The following KRT86 variants were observed in gnomAD, a reference collection of about 807,000 sequenced individuals.
KRT86 encodes the protein keratin 86.
In KRT86, 30 loss-of-function variants were observed where a neutral mutation model predicts 41.2. The ratio of observed to expected loss-of-function variants is 0.73; its 90% CI spans 0.54 to 0.99. The LOEUF (loss-of-function observed/expected upper bound fraction) is 0.99. Ranked by LOEUF, KRT86 falls within the 50% of genes least tolerant of loss-of-function variation. KRT86 has a pLI of 0.00. For missense variants in KRT86, 561 were observed against 571.4 expected, an observed-to-expected ratio of 0.98 and a Z score of 0.19; for synonymous variants, 238 against 238.1, an observed-to-expected ratio of 1.00 and a Z score of 0.00.
At chr12:52,276,892 G>A (rs1937646711) in intron 2 of KRT86, among the ~76,000 whole-genome samples, 1 of 152,144 alleles carries the variant, frequency 6.6e-6, no homozygotes, top group Non-Finnish European at 1.5e-5. Context: ...TTCTGCAGAT[G>A]CAAGTGTCTC....
chr12:52,305,948 AG>A, intron 8 of KRT86, 111 bp from the exon 9 acceptor site: 1 of 1,566,622 alleles, frequency 6.4e-7, no homozygotes, highest in Non-Finnish European at 8.7e-7. Flanking sequence ...GATGAAGGCA[AG>A]AGGCTCTGTT....
Position 52,305,982 on chromosome 12 carries a change from G to C in KRT86, c.1027-78G>C, listed in dbSNP as rs1284331758. On this transcript the variant is annotated intron_variant, in intron 8 of 10. Coordinates refer to ENST00000423955, the MANE Select transcript of KRT86 (RefSeq NM_001320198.2). ...GTTCTGGGGTGCTCCCAGCTTGGTG[G>C]GGAGCATGGTCTCATCGAGGTAAGC... 9 of 1,589,926 alleles carry C rather than the reference G, an allele frequency of 5.7e-6. No homozygotes were observed. In the East Asian group the frequency reaches 1.8e-4, roughly 32 times the overall value.
At chr12:52,297,367 T>TCCTCTTAATGCCTCCTTCCC (rs1205621672) in intron 2 of KRT86, among the ~76,000 whole-genome samples, 1 of 152,164 alleles carries the variant, frequency 6.6e-6, no homozygotes, top group Non-Finnish European at 1.5e-5. Flanking sequence ...GTTTCCTTCC[T>TCCTCTTAATGCCTCCTTCCC]CCTCTTAATG....
chr12:52,287,239 C>T (rs1937975004), intron 2 of KRT86: 3 of 1,613,968 alleles, frequency 1.9e-6, no homozygotes, highest in Non-Finnish European at 2.5e-6. Flanking sequence ...CGCCCTCCAG[C>T]TCGGCCAGCT....
chr12:52,307,667 G>C (rs756627662), intron 9 of KRT86, among the ~76,000 whole-genome samples: 9 of 152,172 alleles, frequency 5.9e-5, no homozygotes, highest in Admixed American at 2.0e-4. Context: ...GGCAGTCTCT[G>C]AGCCTGTTCT....
intron 2 of KRT86, among the ~76,000 whole-genome samples, chr12:52,291,779 A>G (rs1462097666): frequency 6.6e-6 from 1 of 150,702 alleles, no homozygotes; most frequent in Admixed American, 6.6e-5. Context: ...GCATTCCTTC[A>G]TCTGCAGGCA....
At chr12:52,287,721 A>G in intron 2 of KRT86, 1 of 1,613,914 alleles carries the variant, frequency 6.2e-7, no homozygotes, top group Non-Finnish European at 8.5e-7. Context: ...ATCTCCTCAC[A>G]CTGGGGGAAG....
chr12:52,291,364 G>A (rs1938114918), intron 2 of KRT86: 1 of 1,599,778 alleles, frequency 6.3e-7, no homozygotes, highest in Non-Finnish European at 8.5e-7. Flanking sequence ...AGCAGGAGAT[G>A]CCACGGTAGG....
At chr12:52,275,445 G>C (rs879313864) in intron 1 of KRT86, among the ~76,000 whole-genome samples, 8 of 151,712 alleles carry the variant, frequency 5.3e-5, no homozygotes, top group Non-Finnish European at 1.0e-4. Flanking sequence ...AATTTTTTTT[G>C]TACTAATTTA....
intron 2 of KRT86, chr12:52,287,119 C>T (rs1488100385): frequency 5.6e-6 from 9 of 1,613,146 alleles, no homozygotes; most frequent in Non-Finnish European, 7.6e-6. Context: ...CCTCGCCCTC[C>T]AGCAGGCGCC....
chr12:52,304,595 T>C (rs569397890), intron 5 of KRT86, among the ~76,000 whole-genome samples: 68 of 151,454 alleles, frequency 4.5e-4, no homozygotes, highest in Admixed American at 8.5e-4. Context: ...CCCTTGGGCT[T>C]TTGGAGCACT....
intron 2 of KRT86, chr12:52,286,014 T>TG (rs780313674): frequency 1.6e-4 from 88 of 563,646 alleles, no homozygotes; most frequent in Non-Finnish European, 2.4e-4. Context: ...TGGCCCTTCC[T>TG]GCTCCTGAGG....
intron 2 of KRT86, among the ~76,000 whole-genome samples, chr12:52,299,489 G>T (rs1938323480): frequency 6.6e-6 from 1 of 152,144 alleles, no homozygotes; most frequent in African/African-American, 2.4e-5. Flanking sequence ...ATCACCTGGT[G>T]GTTCTATTTT....
intron 2 of KRT86, among the ~76,000 whole-genome samples, chr12:52,283,251 C>T (rs1426081904): frequency 0.053 from 4 of 76 alleles, no homozygotes; most frequent in East Asian, 0.33. Flanking sequence ...AAAATTAGCC[C>T]GGTGTGGTGC....
chr12:52,286,261 T>C (rs1305830388), intron 2 of KRT86: 1 of 1,553,982 alleles, frequency 6.4e-7, no homozygotes, highest in Non-Finnish European at 8.7e-7. Context: ...GTGCCTAACA[T>C]TTCCGGCAGC....
chr12:52,285,189 A>G (rs895360958), intron 2 of KRT86, among the ~76,000 whole-genome samples: 2 of 152,168 alleles, frequency 1.3e-5, no homozygotes, highest in African/African-American at 4.8e-5. Context: ...GGGTAAATAC[A>G]TTGCCCAACC....
At chr12:52,276,990 G>C (rs2121190759) in intron 2 of KRT86, among the ~76,000 whole-genome samples, 1 of 152,254 alleles carries the variant, frequency 6.6e-6, no homozygotes, top group Admixed American at 6.5e-5. Context: ...GGTTCTGAGG[G>C]GGCAGAGTGA....
intron 2 of KRT86, among the ~76,000 whole-genome samples, chr12:52,295,956 T>C (rs1454094204): frequency 6.7e-6 from 1 of 149,930 alleles, no homozygotes; most frequent in African/African-American, 2.5e-5. Context: ...ATGAAGTGAG[T>C]GAGATGTGTC....
intron 1 of KRT86, among the ~76,000 whole-genome samples, chr12:52,275,376 T>C (rs372217876): frequency 1.3e-5 from 2 of 152,246 alleles, no homozygotes; most frequent in African/African-American, 2.4e-5. Flanking sequence ...TAAGGACATT[T>C]CTTCCTAATC....
Sources: allele counts gnomAD v4.1 joint callset (sites outside exome capture counted in the v4.1 genomes callset), GRCh38; gene constraint gnomAD v4.1.1; transcripts MANE v1.5; gene names NCBI Gene and HGNC (gene_info 2026-07-23, HGNC 2026-07-21).